The following ADGRG7 variants were observed in gnomAD, a reference collection of about 807,000 sequenced individuals.
The protein encoded by ADGRG7 is G-protein coupled receptor 128.
Under a neutral mutation model 88.6 loss-of-function variants are expected in ADGRG7, and 82 were observed. The ratio of observed to expected loss-of-function variants is 0.93; its 90% CI spans 0.77 to 1.11. The LOEUF is 1.11. ADGRG7 is among the 50% of genes most tolerant of loss of function. ADGRG7 has a pLI of 0.00. For synonymous variants in ADGRG7, 381 were observed against 345.2 expected (o/e 1.10, Z -1.15); for missense variants, 945 against 953.4 (o/e 0.99, Z 0.12).
rs866547734 is a variant in ADGRG7, at chr3:100,656,105, T to C, written c.1823+110T>C. The stretch of plus-strand genomic sequence containing the variant: ...TTTGCATTTCACTTTATAATTGTCA[T>C]GTTTAGTGGTAGACATTTGAAATTC... On this transcript the variant is annotated intron_variant, in intron 13 of 15. Coordinates refer to ENST00000273352, the MANE Select transcript of ADGRG7 (RefSeq NM_032787.3). 4.0e-5 allele frequency: 24 copies of C among 595,860 alleles called. No individual in the cohort carries two copies. In the South Asian group the frequency reaches 6.2e-4, roughly 15 times the overall value. The allele number at this position is 595,860 out of a possible 1,614,324, so 36.9% of individuals were successfully genotyped here.
intron 1 of ADGRG7, among the ~76,000 whole-genome samples, chr3:100,612,993 G>A (rs529133637): frequency 6.6e-6 from 1 of 152,246 alleles, no homozygotes; most frequent in East Asian, 1.9e-4. Flanking sequence ...GAGTTCAAGC[G>A]ATTCTCCTGC....
chr3:100,676,297 G>T (rs1360895408), intron 15 of ADGRG7, among the ~76,000 whole-genome samples: 1 of 151,680 alleles, frequency 6.6e-6, no homozygotes, highest in Non-Finnish European at 1.5e-5. Context: ...GGTATGTTGT[G>T]TTTCCATTTT....
intron 1 of ADGRG7, among the ~76,000 whole-genome samples, chr3:100,624,600 A>G (rs1447844184): frequency 1.3e-5 from 2 of 152,132 alleles, no homozygotes; most frequent in Non-Finnish European, 2.9e-5. Flanking sequence ...TTCATCATGA[A>G]GTCTTTGCAC....
At position 100,695,101 on chromosome 3, in the gene ADGRG7, T is replaced by A; in HGVS notation, c.*100T>A. ...AGTCCTCTCAGAAAGTCTTCCTCAATGTATTTTGCTCAGGATTAAGAATTA... is the reference window on the plus strand; with the variant it reads ...AGTCCTCTCAGAAAGTCTTCCTCAAAGTATTTTGCTCAGGATTAAGAATTA... On this transcript the variant is annotated 3_prime_UTR_variant, in exon 16 of 16. Coordinates refer to ENST00000273352, the MANE Select transcript of ADGRG7 (RefSeq NM_032787.3). 8.0e-7 allele frequency: 1 copy of A among 1,250,962 alleles called. No homozygotes were observed. The highest frequency in any genetic ancestry group is 1.1e-6 in the Non-Finnish European group (1 of 895,568). 77.5% of individuals were successfully genotyped at this position (1,250,962 alleles called of 1,614,324 possible). A position where few individuals can be genotyped will look rare whatever the true frequency, so the allele number is the denominator to read the frequency against.
chr3:100,624,789 G>C (rs1332955168), intron 1 of ADGRG7, among the ~76,000 whole-genome samples: 1 of 152,124 alleles, frequency 6.6e-6, no homozygotes, highest in Non-Finnish European at 1.5e-5. Flanking sequence ...TTATTAAATA[G>C]GGAATCCTTT....
rs1177241727 is a variant in ADGRG7, at chr3:100,633,292, G to T, written c.362G>T (p.Cys121Phe). The T allele has an allele frequency of 2.6e-6, 4 of 1,523,336 alleles. No homozygotes were observed. Among genetic ancestry groups the T allele is most frequent in the Middle Eastern group, 1.7e-4 (1 of 5,752 alleles). The allele number at this position is 1,523,336 out of a possible 1,614,324, so 94.4% of individuals were successfully genotyped here. The change falls in exon 4 of 16, where the codon TGC (cysteine) becomes TTC (phenylalanine). Residue 121 changes from cysteine to phenylalanine, a missense_variant. Coordinates refer to ENST00000273352, the MANE Select transcript of ADGRG7 (RefSeq NM_032787.3). ...GGCAATCCAATGGCAGTCCGGTTGT[G>T]CAGTCTCTCTCTATATGGAGAGATA... ...NAGNPMAVRL[C>F]SLSLYGEIEL...
intron 1 of ADGRG7, among the ~76,000 whole-genome samples, chr3:100,618,965 T>C (rs1204538975): frequency 6.6e-6 from 1 of 152,204 alleles, no homozygotes; most frequent in African/African-American, 2.4e-5. Context: ...AGGTATTTTA[T>C]TCTTTTTAAA....
intron 1 of ADGRG7, among the ~76,000 whole-genome samples, chr3:100,614,125 G>A (rs1707195051): frequency 6.6e-6 from 1 of 152,154 alleles, no homozygotes; most frequent in Non-Finnish European, 1.5e-5. Flanking sequence ...AGATAATTCA[G>A]TGCAGAGCAT....
Position 100,646,553 on chromosome 3 carries a change from T to C in ADGRG7, c.1111-16T>C, listed in dbSNP as rs773738598. The C allele has an allele frequency of 1.1e-5, 18 of 1,599,102 alleles. No homozygotes were observed. The highest frequency in any genetic ancestry group is 1.5e-5 in the Non-Finnish European group (18 of 1,168,110). On this transcript the variant is annotated splice_polypyrimidine_tract_variant and intron_variant, in intron 9 of 15. Coordinates refer to ENST00000273352, the MANE Select transcript of ADGRG7 (RefSeq NM_032787.3). ...TATTTAGAAACAGTAATTGTAATTG[T>C]CTTATCAATTCATAGTACAACCAAA...
intron 10 of ADGRG7, among the ~76,000 whole-genome samples, chr3:100,647,579 G>A (rs537695137): frequency 6.6e-6 from 1 of 152,286 alleles, no homozygotes; most frequent in East Asian, 1.9e-4. Context: ...TACTGTGCAA[G>A]TAACTGATAA....
Position 100,695,142 on chromosome 3 carries a change from T to G in ADGRG7, c.*141T>G. 1.2e-6 allele frequency: 1 copy of G among 823,728 alleles called. No homozygotes were observed. Among genetic ancestry groups the G allele is most frequent in the Non-Finnish European group, 1.9e-6 (1 of 534,754 alleles). 51.0% of individuals were successfully genotyped at this position (823,728 alleles called of 1,614,324 possible). On this transcript the variant is annotated 3_prime_UTR_variant, in exon 16 of 16. Transcript: ENST00000273352. ...TTAAGAATTAGATAAAACCTGTTGTTTATTATTATTCGGCATAATGGACTT... is the reference window on the plus strand; with the variant it reads ...TTAAGAATTAGATAAAACCTGTTGTGTATTATTATTCGGCATAATGGACTT...
intron 15 of ADGRG7, among the ~76,000 whole-genome samples, chr3:100,672,784 C>A (rs533395767): frequency 6.6e-6 from 1 of 152,036 alleles, no homozygotes; most frequent in Non-Finnish European, 1.5e-5. Flanking sequence ...TGAATTTTGT[C>A]GAAGGCCTTT....
intron 1 of ADGRG7, among the ~76,000 whole-genome samples, chr3:100,616,326 C>T (rs1328118325): frequency 3.3e-5 from 5 of 151,498 alleles, no homozygotes; most frequent in African/African-American, 1.2e-4. Flanking sequence ...TTGGATATAA[C>T]AAAACCATCT....
At chr3:100,658,332 C>A (rs539304335) in intron 13 of ADGRG7, among the ~76,000 whole-genome samples, 1 of 152,142 alleles carries the variant, frequency 6.6e-6, no homozygotes, top group African/African-American at 2.4e-5. Flanking sequence ...AAAGTAATTG[C>A]AGTTTTTGCC....
intron 15 of ADGRG7, among the ~76,000 whole-genome samples, chr3:100,686,095 T>C (rs1294510259): frequency 6.6e-6 from 1 of 151,704 alleles, no homozygotes; most frequent in Non-Finnish European, 1.5e-5. Context: ...TATCTCATTG[T>C]GGTTTTGATT....
rs1032863212 is a variant in ADGRG7 at position 100,617,288 on chromosome 3, C to T, written c.115+7317C>T. On this transcript the variant is annotated intron_variant, in intron 1 of 15. Coordinates refer to ENST00000273352, the MANE Select transcript of ADGRG7 (RefSeq NM_032787.3). The stretch of plus-strand genomic sequence containing the variant: ...ACAACATGCAGATTAGTTACATATG[C>T]ATACATGTGCCATGTTGGTGTGCTG... Among the ~76,000 whole-genome samples the T allele has an allele frequency of 6.6e-5, 10 of 152,054 alleles. No homozygotes were observed. The East Asian group carries it at 1.2e-3, about 18-fold the overall frequency.
chr3:100,687,283 T>C (rs1015778021), intron 15 of ADGRG7, among the ~76,000 whole-genome samples: 2 of 152,144 alleles, frequency 1.3e-5, no homozygotes, highest in Non-Finnish European at 2.9e-5. Flanking sequence ...TGGGCTGAGA[T>C]GATGGGGTTT....
intron 9 of ADGRG7, 186 bp downstream of exon 9, chr3:100,646,294 A>G: frequency 1.6e-6 from 1 of 621,090 alleles, no homozygotes; most frequent in South Asian, 2.3e-5. Context: ...GGATATGTTG[A>G]ATAAAAGAAA....
At chr3:100,627,256 C>T (rs1361868136) in intron 1 of ADGRG7, among the ~76,000 whole-genome samples, 1 of 152,118 alleles carries the variant, frequency 6.6e-6, no homozygotes. Flanking sequence ...TTTTATTTCT[C>T]GTTTGCTGAG....
Sources: gnomAD v4.1 joint callset for allele counts (sites outside exome capture counted in the v4.1 genomes callset) on GRCh38, gnomAD v4.1.1 for gene constraint, MANE v1.5 for transcripts, NCBI Gene and HGNC (gene_info 2026-07-23, HGNC 2026-07-21) for gene names.